Variants in CREB3L2 observed in about 807,000 individuals in gnomAD.
CREB3L2 encodes the protein cyclic AMP-responsive element-binding protein 3-like protein 2.
CREB3L2 carries 23 observed loss-of-function variants against 57.2 expected under a neutral mutation model. That is an observed-to-expected ratio of 0.40 (90% CI 0.29 to 0.57). The LOEUF is 0.57. Among genes scored for constraint, CREB3L2 ranks in the 20% least tolerant of loss-of-function variants. The pLI is 0.42. For synonymous variants in CREB3L2, 268 were observed against 265.1 expected (o/e 1.01, Z -0.11); for missense variants, 628 against 634.7 (o/e 0.99, Z 0.11).
chr7:137,991,215 G>A (rs956934987), intron 1 of CREB3L2, among the ~76,000 whole-genome samples: 6 of 151,686 alleles, frequency 4.0e-5, no homozygotes, highest in Non-Finnish European at 1.5e-5. Context: ...CCAGGCTGGA[G>A]TGCAGTGGCA....
intron 1 of CREB3L2, among the ~76,000 whole-genome samples, chr7:137,978,442 C>T (rs77429111): frequency 0.01 from 1,557 of 152,254 alleles, 29 homozygotes; most frequent in African/African-American, 0.035. Flanking sequence ...CTATCCCCTC[C>T]GTCCCTCCTC....
At chr7:137,908,680 C>G (rs760207237) in intron 4 of CREB3L2, among the ~76,000 whole-genome samples, 2 of 152,012 alleles carry the variant, frequency 1.3e-5, no homozygotes, top group African/African-American at 2.4e-5. Context: ...AACCAATAAA[C>G]GTGCGACCAG....
intron 10 of CREB3L2, chr7:137,884,649 G>A: frequency 1.8e-6 from 1 of 571,024 alleles, no homozygotes; most frequent in Non-Finnish European, 3.1e-6. Flanking sequence ...AAACACAGCA[G>A]TTCTCTTAAA....
At chr7:137,985,703 G>A (rs1284470083) in intron 1 of CREB3L2, among the ~76,000 whole-genome samples, 1 of 152,164 alleles carries the variant, frequency 6.6e-6, no homozygotes, top group Admixed American at 6.5e-5. Flanking sequence ...CTTCCCTCTT[G>A]TAACTTAAAG....
At chr7:137,912,578 A>C (rs1585617791) in intron 4 of CREB3L2, among the ~76,000 whole-genome samples, 1 of 152,218 alleles carries the variant, frequency 6.6e-6, no homozygotes, top group East Asian at 1.9e-4. Flanking sequence ...TTACTTCACA[A>C]AGAGTTGAAA....
intron 1 of CREB3L2, among the ~76,000 whole-genome samples, chr7:137,974,054 T>TA (rs11305737): frequency 0.027 from 4,018 of 149,436 alleles, 76 homozygotes; most frequent in Non-Finnish European, 0.039. Flanking sequence ...ATCTGCTCTT[T>TA]AAAAAAAAAA....
intron 3 of CREB3L2, among the ~76,000 whole-genome samples, chr7:137,914,183 T>A (rs1196758036): frequency 6.8e-6 from 1 of 145,988 alleles, no homozygotes; most frequent in African/African-American, 2.5e-5. Context: ...TTAATATAAT[T>A]ATTAATAATT....
intron 5 of CREB3L2, among the ~76,000 whole-genome samples, chr7:137,907,132 A>C (rs1034718711): frequency 5.9e-5 from 9 of 152,230 alleles, no homozygotes; most frequent in Admixed American, 5.9e-4. Context: ...GTGCATTCTA[A>C]GCAAAAGGCA....
rs1267890635 is a variant in CREB3L2, at chr7:137,885,133, A to G, written c.1144-12T>C. On this transcript the variant is annotated splice_polypyrimidine_tract_variant and intron_variant, in intron 9 of 11. Transcript: ENST00000330387. Reference sequence around the variant, plus strand: ...CACAGCACCACAACCTGTGGGAGAGAAAGAGGGGAGAGAGAACACGAGGGG... The same window carrying G: ...CACAGCACCACAACCTGTGGGAGAGGAAGAGGGGAGAGAGAACACGAGGGG... The G allele has an allele frequency of 6.2e-7, 1 of 1,613,578 alleles. No individual in the cohort carries two copies. The highest frequency in any genetic ancestry group is 8.5e-7 in the Non-Finnish European group (1 of 1,179,810).
At chr7:138,000,751 G>T (rs1802060344) in intron 1 of CREB3L2, among the ~76,000 whole-genome samples, 1 of 151,238 alleles carries the variant, frequency 6.6e-6, no homozygotes. Flanking sequence ...CTTGCATAAA[G>T]TCCTATGATC....
intron 1 of CREB3L2, among the ~76,000 whole-genome samples, chr7:137,989,142 C>T (rs1286625410): frequency 6.6e-6 from 1 of 152,204 alleles, no homozygotes; most frequent in Non-Finnish European, 1.5e-5. Context: ...CTGTGTTCTA[C>T]ACTTTGTCCA....
rs1802084386 is a variant in CREB3L2 at position 138,001,850 on chromosome 7, C to T, written c.-145G>A. The T allele has an allele frequency of 3.7e-6, 2 of 536,970 alleles. No homozygotes were observed. Among genetic ancestry groups the T allele is most frequent in the African/African-American group, 2.0e-5 (1 of 51,038 alleles). The allele number at this position is 536,970 out of a possible 1,614,324, so 33.3% of individuals were successfully genotyped here. A position where few individuals can be genotyped will look rare whatever the true frequency, so the allele number is the denominator to read the frequency against. On this transcript the variant is annotated 5_prime_UTR_variant, in exon 1 of 12. Transcript: ENST00000330387. The surrounding 1 kb of genome is among the most constrained non-coding windows in gnomAD (Gnocchi z 4.2). The stretch of plus-strand genomic sequence containing the variant: ...TGTAGTTTTGCACTTGGAAAGCAAA[C>T]GTCTGCTCCTCTGCCGGAGAGAGGA...
chr7:137,976,398 C>T (rs1487780466), intron 1 of CREB3L2, among the ~76,000 whole-genome samples: 2 of 152,228 alleles, frequency 1.3e-5, no homozygotes, highest in South Asian at 2.1e-4. Context: ...TTTATCCTTT[C>T]GTCCAGTGAT....
chr7:137,902,257 T>C (rs969274684), intron 7 of CREB3L2, among the ~76,000 whole-genome samples: 1 of 149,542 alleles, frequency 6.7e-6, no homozygotes, highest in Non-Finnish European at 1.5e-5. Context: ...AGATGAATAG[T>C]GACAGTACAA....
chr7:137,883,738 G>T (rs1209625342), intron 10 of CREB3L2, among the ~76,000 whole-genome samples: 1 of 151,656 alleles, frequency 6.6e-6, no homozygotes, highest in African/African-American at 2.4e-5. Flanking sequence ...TCTTACTATA[G>T]TGTATTCAGC....
chr7:137,969,985 A>G (rs1440685964), intron 1 of CREB3L2, among the ~76,000 whole-genome samples: 1 of 152,194 alleles, frequency 6.6e-6, no homozygotes. Flanking sequence ...TGTTTTCCAG[A>G]TGCCCAGGGT....
chr7:137,889,371 G>T (rs149763455), intron 8 of CREB3L2, among the ~76,000 whole-genome samples: 1 of 152,306 alleles, frequency 6.6e-6, no homozygotes, highest in East Asian at 1.9e-4. Context: ...GAGGGCTGGT[G>T]TTTCCTGACT....
intron 1 of CREB3L2, among the ~76,000 whole-genome samples, chr7:137,940,948 A>G (rs895513339): frequency 3.3e-5 from 5 of 152,206 alleles, no homozygotes; most frequent in African/African-American, 1.2e-4. Flanking sequence ...ACCCCAAGAT[A>G]AGAGCTAAGG....
Position 137,879,819 on chromosome 7 carries a change from TA to T in CREB3L2, c.*656del. 4.3e-6 allele frequency: 1 copy of T among 235,198 alleles called. No homozygotes were observed. The highest frequency in any genetic ancestry group is 8.4e-6 in the Non-Finnish European group (1 of 119,210). The allele number at this position is 235,198 out of a possible 1,614,324, so 14.6% of individuals were successfully genotyped here. On this transcript the variant is annotated 3_prime_UTR_variant, in exon 12 of 12. Transcript: ENST00000330387. ...TGGGGAACCAGGTTGTGGGAGGTCC[TA>T]AAAGCGACAAGATGGGGCAGGTTTG... is the stretch of plus-strand genomic sequence containing the variant.
Sources: gnomAD v4.1 joint callset for allele counts (sites outside exome capture counted in the v4.1 genomes callset) on GRCh38, gnomAD v4.1.1 for gene constraint, Gnocchi (gnomAD v3.1) non-coding constraint, MANE v1.5 for transcripts, NCBI Gene and HGNC (gene_info 2026-07-23, HGNC 2026-07-21) for gene names.